Variants in LIMCH1 observed in about 807,000 individuals in gnomAD.
The protein encoded by LIMCH1 is LIM and calponin homology domains-containing protein 1.
LIMCH1 carries 113 observed loss-of-function variants against 176.5 expected under a neutral mutation model. The ratio of observed to expected loss-of-function variants is 0.64; its 90% CI spans 0.55 to 0.75. The LOEUF (loss-of-function observed/expected upper bound fraction) is 0.75. Among genes scored for constraint, LIMCH1 ranks in the 30% least tolerant of loss-of-function variants. The probability of loss-of-function intolerance (pLI) is 0.00; values close to 1 mark genes in which losing one functional copy is unlikely to be tolerated. For missense variants in LIMCH1, 1,674 were observed against 1,814.9 expected, an observed-to-expected ratio of 0.92 and a Z score of 1.41; for synonymous variants, 619 against 645.9, an observed-to-expected ratio of 0.96 and a Z score of 0.63.
intron 1 of LIMCH1, among the ~76,000 whole-genome samples, chr4:41,457,650 C>T (rs2064786228): frequency 6.6e-6 from 1 of 152,218 alleles, no homozygotes; most frequent in East Asian, 1.9e-4. Flanking sequence ...AGGCAGTGTG[C>T]AGTTTGGCTC....
At chr4:41,379,850 G>A (rs2055370678) in intron 1 of LIMCH1, among the ~76,000 whole-genome samples, 1 of 151,956 alleles carries the variant, frequency 6.6e-6, no homozygotes, top group South Asian at 2.1e-4. Flanking sequence ...CCAGGCTGGG[G>A]TGCAGTGACG....
intron 1 of LIMCH1, among the ~76,000 whole-genome samples, chr4:41,486,140 G>A (rs190002397): frequency 6.6e-5 from 10 of 152,324 alleles, no homozygotes; most frequent in Admixed American, 5.9e-4. Flanking sequence ...TCCTGACATT[G>A]CATGCAGCTT....
intron 27 of LIMCH1, among the ~76,000 whole-genome samples, chr4:41,684,876 C>T (rs1041182294): frequency 1.3e-5 from 2 of 152,092 alleles, no homozygotes; most frequent in African/African-American, 4.8e-5. Flanking sequence ...TCCCCAAAGC[C>T]GGGTGAGATG....
chr4:41,655,730 C>T (rs2094445385), intron 18 of LIMCH1, among the ~76,000 whole-genome samples: 2 of 151,790 alleles, frequency 1.3e-5, no homozygotes, highest in South Asian at 4.2e-4. Context: ...CACTATATCA[C>T]CCAAGCAGGT....
chr4:41,409,037 C>T (rs559552650), intron 1 of LIMCH1, among the ~76,000 whole-genome samples: 3 of 152,244 alleles, frequency 2.0e-5, no homozygotes, highest in South Asian at 2.1e-4. Flanking sequence ...CATCCTGACT[C>T]GCTGTGTACA....
intron 18 of LIMCH1, among the ~76,000 whole-genome samples, chr4:41,657,790 C>G (rs1247205484): frequency 6.6e-6 from 1 of 152,038 alleles, no homozygotes; most frequent in Non-Finnish European, 1.5e-5. Context: ...CCGCTAATTC[C>G]TCAGAACGTG....
chr4:41,527,381 C>T (rs991251011), intron 3 of LIMCH1, among the ~76,000 whole-genome samples: 8 of 152,256 alleles, frequency 5.3e-5, no homozygotes, highest in East Asian at 1.9e-4. Flanking sequence ...TCAAACTTAC[C>T]GATATCTATA....
intron 31 of LIMCH1, among the ~76,000 whole-genome samples, chr4:41,694,770 C>T (rs1729153365): frequency 1.3e-5 from 2 of 152,206 alleles, no homozygotes; most frequent in South Asian, 4.2e-4. Flanking sequence ...TGAGCAGTAG[C>T]ACAGGTGACG....
intron 1 of LIMCH1, among the ~76,000 whole-genome samples, chr4:41,563,168 C>T (rs988412351): frequency 6.6e-6 from 1 of 152,104 alleles, no homozygotes; most frequent in East Asian, 1.9e-4. Context: ...GTGCCATCAC[C>T]GACCAGCTCT....
intron 2 of LIMCH1, among the ~76,000 whole-genome samples, chr4:41,520,625 T>G (rs999552210): frequency 5.3e-5 from 8 of 152,224 alleles, no homozygotes; most frequent in African/African-American, 1.9e-4. Flanking sequence ...CCTAGAATAG[T>G]GGACAACACA....
intron 1 of LIMCH1, among the ~76,000 whole-genome samples, chr4:41,380,893 G>A (rs1348014660): frequency 6.6e-6 from 1 of 152,212 alleles, no homozygotes; most frequent in African/African-American, 2.4e-5. Context: ...ATAAAGAGTA[G>A]TAGAATGTTC....
chr4:41,519,564 C>A (rs1243285365), intron 2 of LIMCH1, among the ~76,000 whole-genome samples: 1 of 152,102 alleles, frequency 6.6e-6, no homozygotes, highest in African/African-American at 2.4e-5. Context: ...GCTAGGCAAG[C>A]TATAGACATT....
intron 18 of LIMCH1, among the ~76,000 whole-genome samples, chr4:41,657,586 G>T (rs1362930853): frequency 6.6e-6 from 1 of 152,184 alleles, no homozygotes; most frequent in South Asian, 2.1e-4. Context: ...CTTTTTCTCA[G>T]TGTGTATAAA....
chr4:41,375,607 T>C (rs2054623696), intron 1 of LIMCH1, among the ~76,000 whole-genome samples: 1 of 152,242 alleles, frequency 6.6e-6, no homozygotes, highest in Non-Finnish European at 1.5e-5. Context: ...GCCTGAAGCC[T>C]AGAAATAGCA....
At chr4:41,521,842 A>G (rs1425868621) in intron 2 of LIMCH1, among the ~76,000 whole-genome samples, 1 of 152,104 alleles carries the variant, frequency 6.6e-6, no homozygotes, top group Non-Finnish European at 1.5e-5. Context: ...ATTTTTTCCA[A>G]TCTTCCCTTT....
intron 1 of LIMCH1, among the ~76,000 whole-genome samples, chr4:41,430,501 ATC>A (rs1218511430): frequency 1.3e-5 from 2 of 152,290 alleles, no homozygotes; most frequent in Admixed American, 1.3e-4. Context: ...TGACCTCAAG[ATC>A]TGTCTGCCTC....
At position 41,439,315 on chromosome 4, in the gene LIMCH1, G is replaced by A. The variant is rs183975244; in HGVS notation, c.97-55221G>A. ...CTCAAAAAGGGGAGGGCAGGCCAGC[G>A]CCGTGGCTCATGCCTGTAATCCCAC... On this transcript the variant is annotated intron_variant, in intron 1 of 26. Transcript: ENST00000313860. Among the ~76,000 whole-genome samples, 1,043 of 152,276 alleles carry A rather than the reference G, an allele frequency of 6.8e-3. 13 individuals carry two copies. Among genetic ancestry groups the A allele is most frequent in the African/African-American group, 0.024 (1,007 of 41,554 alleles).
At chr4:41,444,596 T>C (rs2063082154) in intron 1 of LIMCH1, among the ~76,000 whole-genome samples, 1 of 152,074 alleles carries the variant, frequency 6.6e-6, no homozygotes, top group Admixed American at 6.6e-5. Flanking sequence ...GGTCAACATA[T>C]CACAGTGGTC....
chr4:41,639,008 C>T (rs548860808), intron 14 of LIMCH1, 41 bp downstream of exon 14: 2 of 1,464,046 alleles, frequency 1.4e-6, no homozygotes, highest in South Asian at 2.6e-5. Flanking sequence ...TAATTACTAG[C>T]CTAAACTGCA....
Sources: gnomAD v4.1 joint callset for allele counts (sites outside exome capture counted in the v4.1 genomes callset) on GRCh38, gnomAD v4.1.1 for gene constraint, MANE v1.5 for transcripts, NCBI Gene and HGNC (gene_info 2026-07-23, HGNC 2026-07-21) for gene names.